Variants in DISP1 observed in about 807,000 individuals in gnomAD.
DISP1 encodes the protein protein dispatched homolog 1.
DISP1 carries 30 observed loss-of-function variants against 37.3 expected under a neutral mutation model. That is an observed-to-expected ratio of 0.80 (90% confidence interval 0.60 to 1.09). The LOEUF (loss-of-function observed/expected upper bound fraction) is 1.09, where lower values mean the gene tolerates loss of function less well. DISP1 is among the 50% of genes least tolerant of loss of function. The pLI is 0.00. For missense variants in DISP1, 1,598 were observed against 1,879.5 expected (o/e 0.85, Z 2.77); for synonymous variants, 634 against 690.2 (o/e 0.92, Z 1.28).
At chr1:222,961,711 A>C (rs1399907734) in intron 3 of DISP1, among the ~76,000 whole-genome samples, 1 of 152,230 alleles carries the variant, frequency 6.6e-6, no homozygotes, top group African/African-American at 2.4e-5. Context: ...TTTTATATTT[A>C]GAAAACCCCA....
chr1:222,875,672 A>AAT (rs1239783556), intron 1 of DISP1, among the ~76,000 whole-genome samples: 18 of 149,620 alleles, frequency 1.2e-4, no homozygotes, highest in South Asian at 2.1e-4. Flanking sequence ...AAAAAAAAAA[A>AAT]AAAAATTAGC....
chr1:222,962,320 G>A (rs1278675570), intron 3 of DISP1, among the ~76,000 whole-genome samples: 1 of 152,140 alleles, frequency 6.6e-6, no homozygotes, highest in Non-Finnish European at 1.5e-5. Context: ...CTCATGGATA[G>A]GAAGAATCAA....
At chr1:222,904,877 C>T in intron 1 of DISP1, among the ~76,000 whole-genome samples, 1 of 152,116 alleles carries the variant, frequency 6.6e-6, no homozygotes, top group Non-Finnish European at 1.5e-5. Flanking sequence ...CATATTTTAA[C>T]TAATAATTTC....
intron 1 of DISP1, among the ~76,000 whole-genome samples, chr1:222,913,359 T>C (rs1422595187): frequency 2.6e-5 from 4 of 152,204 alleles, no homozygotes; most frequent in African/African-American, 9.6e-5. Context: ...CATGTATCAA[T>C]ATAGAGACAT....
chr1:222,924,810 T>C (rs1212770115), intron 1 of DISP1, among the ~76,000 whole-genome samples: 1 of 152,092 alleles, frequency 6.6e-6, no homozygotes, highest in African/African-American at 2.4e-5. Flanking sequence ...GAATCCGGAA[T>C]TGCATTTTTG....
chr1:222,915,276 A>G (rs553947999), intron 1 of DISP1, among the ~76,000 whole-genome samples: 1 of 152,330 alleles, frequency 6.6e-6, no homozygotes, highest in East Asian at 1.9e-4. Context: ...TTGTTCCTAT[A>G]TAGGGGATCT....
rs76744098 is a variant in DISP1, at chr1:222,892,333, G to A, written c.-158-36097G>A. Among the ~76,000 whole-genome samples, 1,348 of 152,274 alleles carry A rather than the reference G, an allele frequency of 8.9e-3. 15 individuals are homozygous for A. Among genetic ancestry groups the A allele is most frequent in the African/African-American group, 0.031 (1,295 of 41,536 alleles). On this transcript the variant is annotated intron_variant, in intron 1 of 8. Coordinates refer to ENST00000675850, the MANE Select transcript of DISP1 (RefSeq NM_001377229.1). The stretch of plus-strand genomic sequence containing the variant: ...ACAGAAAGCTTCACGTCTTATTGTG[G>A]CTTTGCCGTGTACTAGTGTGTATTC...
chr1:222,978,934 T>C (rs1322655610), intron 3 of DISP1, among the ~76,000 whole-genome samples: 1 of 152,172 alleles, frequency 6.6e-6, no homozygotes, highest in Non-Finnish European at 1.5e-5. Context: ...CCTTGTAGTA[T>C]AGTTTGAAGT....
intron 1 of DISP1, among the ~76,000 whole-genome samples, chr1:222,900,556 A>C (rs1671522027): frequency 6.6e-6 from 1 of 152,202 alleles, no homozygotes; most frequent in South Asian, 2.1e-4. Flanking sequence ...GATATGGAAA[A>C]GTAATGATCC....
intron 1 of DISP1, among the ~76,000 whole-genome samples, chr1:222,884,175 T>A (rs1348594020): frequency 6.7e-6 from 1 of 148,426 alleles, no homozygotes; most frequent in Admixed American, 6.7e-5. Flanking sequence ...GGCCCAGGGA[T>A]TTTTTTTTTT....
intron 1 of DISP1, among the ~76,000 whole-genome samples, chr1:222,897,119 A>G (rs1671307874): frequency 1.3e-5 from 2 of 152,230 alleles, no homozygotes; most frequent in South Asian, 4.1e-4. Context: ...AGGGAAGTGG[A>G]CAAACAAATT....
chr1:222,944,025 A>G (rs1467004112), intron 3 of DISP1, among the ~76,000 whole-genome samples: 1 of 152,096 alleles, frequency 6.6e-6, no homozygotes, highest in Non-Finnish European at 1.5e-5. Flanking sequence ...AGTGAAACTC[A>G]GTCTCCAAGA....
rs1339802723 is a variant in DISP1, at chr1:222,943,250, C to G, written c.427C>G (p.Pro143Ala). Residue 143 changes from proline to alanine, a missense_variant, in exon 3 of 9, where the codon CCC becomes GCC. Coordinates refer to ENST00000675850, the MANE Select transcript of DISP1 (RefSeq NM_001377229.1). ...GTATCAGACTACGTGCTGTCTTCAG[C>G]CCTCTCCATCCTTCTGCCTGCATCA... The part of the protein sequence containing the change: ...PVYQTTCCLQ[P>A]SPSFCLHHPW... The G allele has an allele frequency of 6.2e-7, 1 of 1,613,628 alleles. No homozygotes were observed. Among genetic ancestry groups the G allele is most frequent in the African/African-American group, 1.3e-5 (1 of 74,932 alleles).
intron 1 of DISP1, among the ~76,000 whole-genome samples, chr1:222,856,678 C>T (rs749325401): frequency 1.3e-5 from 2 of 149,702 alleles, no homozygotes; most frequent in African/African-American, 2.4e-5. Context: ...GTTAACTGGA[C>T]AATATGTTTT....
At chr1:222,987,781 A>G (rs1389174089) in intron 4 of DISP1, among the ~76,000 whole-genome samples, 1 of 152,230 alleles carries the variant, frequency 6.6e-6, no homozygotes. Context: ...ATTTGAGAGA[A>G]AATGAATCCA....
At chr1:222,840,557 CTTTTTTTT>C (rs71176702) in intron 1 of DISP1, among the ~76,000 whole-genome samples, 3 of 116,096 alleles carry the variant, frequency 2.6e-5, no homozygotes, top group African/African-American at 3.2e-5. Context: ...TACAGTATCT[CTTTTTTTT>C]TTTTTTTTTT....
At chr1:222,844,475 C>A (rs1667787037) in intron 1 of DISP1, among the ~76,000 whole-genome samples, 1 of 152,078 alleles carries the variant, frequency 6.6e-6, no homozygotes, top group South Asian at 2.1e-4. Context: ...TAATGGATAG[C>A]CGATCCAGCC....
intron 3 of DISP1, among the ~76,000 whole-genome samples, chr1:222,970,949 T>C (rs890950590): frequency 6.6e-6 from 1 of 152,052 alleles, no homozygotes; most frequent in African/African-American, 2.4e-5. Context: ...TTTGAGGTCA[T>C]GCAGCCCCAG....
At chr1:222,996,880 T>C (rs947951256) in intron 8 of DISP1, among the ~76,000 whole-genome samples, 1 of 152,154 alleles carries the variant, frequency 6.6e-6, no homozygotes, top group Non-Finnish European at 1.5e-5. Flanking sequence ...GTCACTGTGG[T>C]CTGGAATAAG....
Sources: gnomAD v4.1 joint callset for allele counts (sites outside exome capture counted in the v4.1 genomes callset) on GRCh38, gnomAD v4.1.1 for gene constraint, MANE v1.5 for transcripts, NCBI Gene and HGNC (gene_info 2026-07-23, HGNC 2026-07-21) for gene names.